LRBA: variants seen among roughly 807,000 people sequenced by gnomAD.
LRBA encodes lipopolysaccharide-responsive and beige-like anchor protein.
Under a neutral mutation model 330.0 loss-of-function variants are expected in LRBA, and 176 were observed. That is an observed-to-expected ratio of 0.53 (90% CI 0.47 to 0.60). LRBA has a LOEUF of 0.60. LRBA is among the 20% of genes least tolerant of loss of function. The pLI is 0.00. For synonymous variants in LRBA, 1,230 were observed against 1,193.0 expected (o/e 1.03, Z -0.64); for missense variants, 3,259 against 3,444.8 (o/e 0.95, Z 1.35).
At chr4:150,533,300 C>T (rs1038483457) in intron 40 of LRBA, among the ~76,000 whole-genome samples, 1 of 151,944 alleles carries the variant, frequency 6.6e-6, no homozygotes. Flanking sequence ...CCCATCTTAG[C>T]CTCTCAGGTA....
intron 44 of LRBA, among the ~76,000 whole-genome samples, chr4:150,450,890 G>A (rs1343574629): frequency 6.6e-6 from 1 of 152,004 alleles, no homozygotes; most frequent in African/African-American, 2.4e-5. Context: ...AATTAGCTGG[G>A]CAGGGTGGCA....
chr4:150,418,003 G>GT (rs1437057938), intron 46 of LRBA, among the ~76,000 whole-genome samples: 2 of 148,038 alleles, frequency 1.4e-5, no homozygotes, highest in Non-Finnish European at 3.0e-5. Context: ...TTCTCCACAA[G>GT]TTTTTTTGGT....
intron 40 of LRBA, chr4:150,579,911 C>T (rs1174799276): frequency 2.9e-6 from 1 of 346,246 alleles, no homozygotes; most frequent in Non-Finnish European, 5.8e-6. Flanking sequence ...GCTCCGCACC[C>T]TCTATCCCCG....
At chr4:150,736,184 T>G (rs1027150811) in intron 35 of LRBA, among the ~76,000 whole-genome samples, 4 of 152,188 alleles carry the variant, frequency 2.6e-5, no homozygotes, top group Non-Finnish European at 5.9e-5. Flanking sequence ...AATCGGCCAT[T>G]AGTCTAACTG....
At chr4:150,588,328 T>C in intron 39 of LRBA, 144 bp from the exon 40 acceptor site, 1 of 710,782 alleles carries the variant, frequency 1.4e-6, no homozygotes, top group Non-Finnish European at 2.1e-6. Context: ...AAATATTCTG[T>C]CCACCCCAAA....
intron 4 of LRBA, among the ~76,000 whole-genome samples, chr4:150,922,502 T>G (rs1183624999): frequency 6.6e-6 from 1 of 151,642 alleles, no homozygotes; most frequent in Non-Finnish European, 1.5e-5. Context: ...TTATTCTAAG[T>G]GAAGTAACTC....
chr4:150,528,500 C>CAA (rs5862924), intron 40 of LRBA, among the ~76,000 whole-genome samples: 6 of 135,894 alleles, frequency 4.4e-5, no homozygotes, highest in African/African-American at 1.5e-4. Flanking sequence ...GACTTCATCT[C>CAA]AAAAAAAAAA....
intron 51 of LRBA, chr4:150,315,311 CATT>C (rs1312501343): frequency 7.1e-6 from 4 of 560,138 alleles, no homozygotes; most frequent in African/African-American, 5.9e-5. Flanking sequence ...CTCAATCACA[CATT>C]ATTACAGCAT....
chr4:150,414,848 C>T (rs979348160), intron 47 of LRBA, among the ~76,000 whole-genome samples: 9 of 152,056 alleles, frequency 5.9e-5, no homozygotes, highest in Non-Finnish European at 8.8e-5. Context: ...TTCTGTGAAA[C>T]TTAAAAGGCA....
In LRBA at chr4:150,321,404, G is replaced by A; in HGVS notation, c.7453-36C>T. ...AGATACTGTTGAGTGGGCATGACAA[G>A]ACCCAAATAGACAAGAAGGAAAAGA... On this transcript the variant is annotated intron_variant, in intron 49 of 56. Coordinates refer to ENST00000651943, the MANE Select transcript of LRBA (RefSeq NM_001364905.1). The surrounding 1 kb of genome is among the most constrained non-coding windows in gnomAD (Gnocchi z 4.5). 1 of 1,495,614 alleles carries A rather than the reference G, an allele frequency of 6.7e-7. No individual in the cohort carries two copies. The highest frequency in any genetic ancestry group is 2.0e-4 in the Middle Eastern group (1 of 4,958). The allele number at this position is 1,495,614 out of a possible 1,614,324, so 92.6% of individuals were successfully genotyped here.
At chr4:150,724,667 C>A (rs1729416751) in intron 36 of LRBA, among the ~76,000 whole-genome samples, 1 of 151,710 alleles carries the variant, frequency 6.6e-6, no homozygotes, top group Non-Finnish European at 1.5e-5. Context: ...TGAGGCAACT[C>A]AAAGAAATTC....
chr4:150,544,789 G>A (rs542167350), intron 40 of LRBA, among the ~76,000 whole-genome samples: 1 of 152,198 alleles, frequency 6.6e-6, no homozygotes, highest in South Asian at 2.1e-4. Context: ...TCAAATTAAG[G>A]CAGGGCTCAT....
At chr4:150,318,512 T>A (rs1210401331) in intron 50 of LRBA, among the ~76,000 whole-genome samples, 4 of 152,166 alleles carry the variant, frequency 2.6e-5, no homozygotes, top group African/African-American at 9.6e-5. Context: ...GGATTTTTGA[T>A]GTTTGTTTTA....
chr4:150,930,292 G>A (rs1707941355), intron 2 of LRBA, among the ~76,000 whole-genome samples: 1 of 148,820 alleles, frequency 6.7e-6, no homozygotes. Context: ...TGTAGCCTGG[G>A]CAACTGAGCG....
chr4:151,012,867 T>C (rs773994609), intron 2 of LRBA: 2 of 150,390 alleles, frequency 1.3e-5, no homozygotes, highest in African/African-American at 2.5e-5. Context: ...CTGGAGTGCA[T>C]TGGCACGATC....
At chr4:150,783,150 G>A (rs1197943567) in intron 34 of LRBA, among the ~76,000 whole-genome samples, 3 of 152,182 alleles carry the variant, frequency 2.0e-5, no homozygotes, top group Non-Finnish European at 4.4e-5. Context: ...TAAGGCAGCA[G>A]TCCAGATTTG....
At chr4:150,347,786 T>C (rs939805448) in intron 48 of LRBA, among the ~76,000 whole-genome samples, 3 of 152,182 alleles carry the variant, frequency 2.0e-5, no homozygotes, top group Non-Finnish European at 4.4e-5. Flanking sequence ...TATATTCAAA[T>C]ATATATCTAA....
At chr4:150,795,143 C>T (rs1294260266) in intron 34 of LRBA, among the ~76,000 whole-genome samples, 2 of 152,046 alleles carry the variant, frequency 1.3e-5, no homozygotes, top group Non-Finnish European at 2.9e-5. Context: ...AGCAACACAA[C>T]GCTTTTATAA....
In LRBA at chr4:150,583,353, G is replaced by A. The variant is rs200271959; in HGVS notation, c.6330+4695C>T. The A allele has an allele frequency of 7.4e-6, 12 of 1,614,184 alleles. No homozygotes were observed. On this transcript the variant is annotated intron_variant, in intron 40 of 56. Transcript: ENST00000651943. This position sits in a 1 kb window ranked among gnomAD's most constrained non-coding sequence, Gnocchi z 9.8. ...TCAAACTGAGCGATGGGCGGAAGCG[G>A]AGCATGTCTCTCTGGGTCGAGTTCA... is the stretch of plus-strand genomic sequence containing the variant.
Sources: gnomAD v4.1 joint callset for allele counts (sites outside exome capture counted in the v4.1 genomes callset) on GRCh38, gnomAD v4.1.1 for gene constraint, Gnocchi (gnomAD v3.1) non-coding constraint, MANE v1.5 for transcripts, NCBI Gene and HGNC (gene_info 2026-07-23, HGNC 2026-07-21) for gene names.